Variants in XKR4 observed in about 807,000 individuals in gnomAD.
XKR4 encodes the protein XK related 4, also known as XK-related protein 4.
Under a neutral mutation model 53.9 loss-of-function variants are expected in XKR4, and 12 were observed. The ratio of observed to expected loss-of-function variants is 0.22; its 90% CI spans 0.14 to 0.36. XKR4 has a LOEUF of 0.36. Among genes scored for constraint, XKR4 ranks in the 10% least tolerant of loss-of-function variants. The pLI, the probability that XKR4 is intolerant of heterozygous loss-of-function variation, is 1.00. For synonymous variants in XKR4, 354 were observed against 362.4 expected (o/e 0.98, Z 0.26); for missense variants, 799 against 859.5 (o/e 0.93, Z 0.88).
chr8:55,311,829 C>CAAAAAAAAAAAAAAAAAAAAAAA (rs57826022), intron 1 of XKR4, among the ~76,000 whole-genome samples: 1 of 98,606 alleles, frequency 1.0e-5, no homozygotes, highest in Non-Finnish European at 2.1e-5. Flanking sequence ...TGTAATTTAG[C>CAAAAAAAAAAAAAAAAAAAAAAA]AAAAAAAAAA....
intron 1 of XKR4, among the ~76,000 whole-genome samples, chr8:55,354,451 G>A (rs898963761): frequency 3.9e-5 from 6 of 152,266 alleles, no homozygotes; most frequent in South Asian, 4.1e-4. Flanking sequence ...AAAGATGAGA[G>A]AGAATGTCCA....
intron 2 of XKR4, among the ~76,000 whole-genome samples, chr8:55,461,698 A>G (rs1805660730): frequency 6.6e-6 from 1 of 152,224 alleles, no homozygotes; most frequent in South Asian, 2.1e-4. Flanking sequence ...GGAAGTTCGA[A>G]CAAATGGCAA....
chr8:55,379,636 G>T (rs1804203198), intron 2 of XKR4, among the ~76,000 whole-genome samples: 1 of 152,218 alleles, frequency 6.6e-6, no homozygotes, highest in Admixed American at 6.5e-5. Flanking sequence ...CTTCAGATTT[G>T]TATGTCCAAG....
intron 2 of XKR4, among the ~76,000 whole-genome samples, chr8:55,362,769 T>C (rs1463560997): frequency 1.3e-5 from 2 of 152,220 alleles, no homozygotes; most frequent in Non-Finnish European, 2.9e-5. Flanking sequence ...CCTCCCATGA[T>C]AGGCAGAGAA....
intron 1 of XKR4, among the ~76,000 whole-genome samples, chr8:55,289,576 A>G (rs1441957549): frequency 1.3e-3 from 144 of 111,726 alleles, no homozygotes; most frequent in African/African-American, 4.6e-3. Flanking sequence ...AAGGAGAGAG[A>G]AAGGAAGAAA....
chr8:55,165,730 G>A (rs572275982), intron 1 of XKR4, among the ~76,000 whole-genome samples: 13 of 151,458 alleles, frequency 8.6e-5, no homozygotes, highest in South Asian at 6.3e-4. Context: ...GTGTGAATCC[G>A]GGAGGCGGAG....
intron 2 of XKR4, among the ~76,000 whole-genome samples, chr8:55,519,846 G>A (rs1199521196): frequency 6.6e-6 from 1 of 152,142 alleles, no homozygotes; most frequent in African/African-American, 2.4e-5. Context: ...ATCGCAAATG[G>A]GTGAGAGAGA....
At chr8:55,377,068 C>T (rs544491275) in intron 2 of XKR4, among the ~76,000 whole-genome samples, 7 of 152,152 alleles carry the variant, frequency 4.6e-5, no homozygotes, top group Non-Finnish European at 8.8e-5. Context: ...AGTTATAATG[C>T]CTGATGACAA....
intron 1 of XKR4, among the ~76,000 whole-genome samples, chr8:55,155,973 A>C (rs1429496427): frequency 6.6e-6 from 1 of 152,194 alleles, no homozygotes; most frequent in Non-Finnish European, 1.5e-5. Context: ...CTCACACACA[A>C]AAAAATATCA....
chr8:55,455,201 G>C (rs1288339789), intron 2 of XKR4: 20 of 454,508 alleles, frequency 4.4e-5, no homozygotes, highest in Non-Finnish European at 7.1e-5. Flanking sequence ...CTCATGGCCC[G>C]GGCCTGGCCC....
chr8:55,236,791 A>G (rs1818133621), intron 1 of XKR4, among the ~76,000 whole-genome samples: 1 of 152,170 alleles, frequency 6.6e-6, no homozygotes, highest in African/African-American at 2.4e-5. Flanking sequence ...TCTTCTGAGA[A>G]GCCAGGCCAC....
chr8:55,243,886 G>A (rs1384680172), intron 1 of XKR4, among the ~76,000 whole-genome samples: 2 of 152,194 alleles, frequency 1.3e-5, no homozygotes, highest in African/African-American at 2.4e-5. Flanking sequence ...CCTAGACAGT[G>A]CGTGCAAGTG....
chr8:55,326,266 T>C (rs560734359), intron 1 of XKR4, among the ~76,000 whole-genome samples: 2 of 152,340 alleles, frequency 1.3e-5, no homozygotes, highest in East Asian at 3.9e-4. Context: ...ATTTGTTTAA[T>C]GCCTACTATG....
At chr8:55,294,013 C>A (rs568939952) in intron 1 of XKR4, among the ~76,000 whole-genome samples, 1 of 152,198 alleles carries the variant, frequency 6.6e-6, no homozygotes, top group Non-Finnish European at 1.5e-5. Flanking sequence ...AAATACTTCA[C>A]GCCCAAGACA....
intron 1 of XKR4, among the ~76,000 whole-genome samples, chr8:55,250,967 G>A (rs1818353490): frequency 6.6e-6 from 1 of 152,162 alleles, no homozygotes; most frequent in Admixed American, 6.5e-5. Flanking sequence ...TGTATTCACA[G>A]AATACACACA....
At chr8:55,132,903 G>A (rs1563464469) in intron 1 of XKR4, among the ~76,000 whole-genome samples, 1 of 152,120 alleles carries the variant, frequency 6.6e-6, no homozygotes, top group Non-Finnish European at 1.5e-5. Flanking sequence ...TGTGATGGGG[G>A]GCCATTCTCC....
intron 1 of XKR4, among the ~76,000 whole-genome samples, chr8:55,215,405 A>G (rs1320092836): frequency 6.6e-6 from 1 of 152,258 alleles, no homozygotes; most frequent in African/African-American, 2.4e-5. Flanking sequence ...ACAATTCATT[A>G]TATGGTAAGA....
chr8:55,452,838 T>A (rs1031118027), intron 2 of XKR4: 2 of 770,190 alleles, frequency 2.6e-6, no homozygotes, highest in Admixed American at 3.4e-5. Context: ...GTCACCCAGC[T>A]CCTGAAGCAG....
intron 1 of XKR4, among the ~76,000 whole-genome samples, chr8:55,290,442 C>G (rs1819003345): frequency 6.6e-6 from 1 of 151,924 alleles, no homozygotes; most frequent in African/African-American, 2.4e-5. Flanking sequence ...ATTTTAAGTT[C>G]TGGGATACAT....
Sources: allele counts gnomAD v4.1 joint callset (sites outside exome capture counted in the v4.1 genomes callset), GRCh38; gene constraint gnomAD v4.1.1; transcripts MANE v1.5; gene names NCBI Gene and HGNC (gene_info 2026-07-23, HGNC 2026-07-21).